CLCN1: variants seen among roughly 807,000 people sequenced by gnomAD.
The protein encoded by CLCN1 is chloride channel protein 1.
Under a neutral mutation model 114.5 loss-of-function variants are expected in CLCN1, and 100 were observed. The ratio of observed to expected loss-of-function variants is 0.87; its 90% confidence interval spans 0.74 to 1.03. The LOEUF is 1.03. Among genes scored for constraint, CLCN1 ranks in the 50% least tolerant of loss-of-function variants. CLCN1 has a pLI of 0.00. For synonymous variants in CLCN1, 485 were observed against 487.1 expected, an observed-to-expected ratio of 1.00 and a Z score of 0.06; for missense variants, 1,188 against 1,250.0, an observed-to-expected ratio of 0.95 and a Z score of 0.75.
chr7:143,346,651 C>A lies in CLCN1; in HGVS notation c.2357C>A (p.Thr786Lys). ...LGRARPTKKKTTQDSTDLVDN... is the reference protein window; with the variant it reads ...LGRARPTKKKKTQDSTDLVDN... ...AGAGCTCGCCCCACAAAGAAGAAAACAACCCAGGTGAGAGGAGATGTGTTT... is the reference window on the plus strand; with the variant it reads ...AGAGCTCGCCCCACAAAGAAGAAAAAAACCCAGGTGAGAGGAGATGTGTTT... Residue 786 changes from threonine to lysine, a missense_variant, in exon 19 of 23, where the codon ACA becomes AAA. Thr to Lys is a moderately conservative substitution (Grantham distance 78). Transcript: ENST00000343257. The A allele has an allele frequency of 6.2e-7, 1 of 1,612,662 alleles. No homozygotes were observed. The highest frequency in any genetic ancestry group is 8.5e-7 in the Non-Finnish European group (1 of 1,179,082).
At chr7:143,346,998 G>C (rs1371019500) in intron 20 of CLCN1, 49 bp downstream of exon 20, 1 of 1,466,992 alleles carries the variant, frequency 6.8e-7, no homozygotes, top group Admixed American at 1.7e-5. Context: ...ATCAAATGAA[G>C]ATATTGCTAA....
rs775224495 is a variant in CLCN1, at chr7:143,320,757, G to C, written c.395G>C (p.Ser132Thr). Reference protein sequence around the residue: ...VLLGLLMALVSWSMDYVSAKS... With the variant: ...VLLGLLMALVTWSMDYVSAKS... ...CTGGGACTGCTGATGGCTCTGGTCAGCTGGAGCATGGACTACGTCAGTGCC... is the reference window on the plus strand; with the variant it reads ...CTGGGACTGCTGATGGCTCTGGTCACCTGGAGCATGGACTACGTCAGTGCC... The change falls in exon 3 of 23, where the codon AGC becomes ACC. Residue 132 changes from serine to threonine, a missense_variant. Coordinates refer to ENST00000343257, the MANE Select transcript of CLCN1 (RefSeq NM_000083.3). 6.2e-7 allele frequency: 1 copy of C among 1,613,812 alleles called. No homozygotes were observed. The highest frequency in any genetic ancestry group is 1.1e-5 in the South Asian group (1 of 91,070).
At position 143,345,744 on chromosome 7, in the gene CLCN1, C is replaced by T. The variant is rs2272251; in HGVS notation, c.2154C>T (p.Asp718=). The T allele has an allele frequency of 0.45, 723,888 of 1,598,212 alleles. 165,366 individuals are homozygous for T. The highest frequency in any genetic ancestry group is 0.58 in the East Asian group (25,879 of 44,246). ...FAFVDEDEDE[D]LSGKSELPPS... is the part of the protein sequence containing the mutation. ...TTGTGGATGAGGATGAGGACGAAGACCTCTCTGGCAAGAGCGAGGTGACCG... is the reference window on the plus strand; with the variant it reads ...TTGTGGATGAGGATGAGGACGAAGATCTCTCTGGCAAGAGCGAGGTGACCG... Residue 718 remains aspartate, a synonymous_variant, in exon 17 of 23, where the codon GAC becomes GAT. Transcript: ENST00000343257.
In CLCN1 at chr7:143,321,650, T is replaced by C; in HGVS notation, c.563-65T>C. The C allele has an allele frequency of 1.2e-6, 2 of 1,611,512 alleles. No homozygotes were observed. The highest frequency in any genetic ancestry group is 8.5e-7 in the Non-Finnish European group (1 of 1,177,690). ...CCCTCTCCAATTCCCATTCCCATAT[T>C]CTGGACATTCATCTCCCTTTTCACC... is the stretch of plus-strand genomic sequence containing the variant. On this transcript the variant is annotated intron_variant, in intron 4 of 22. Transcript: ENST00000343257. This position sits in a 1 kb window ranked among gnomAD's most constrained non-coding sequence, Gnocchi z 4.2.
chr7:143,323,709 C>T (rs1802509170), intron 6 of CLCN1: 8 of 523,044 alleles, frequency 1.5e-5, no homozygotes, highest in African/African-American at 5.8e-5. Flanking sequence ...ACGTTTCCCT[C>T]GTGTGCTCCC....
In CLCN1 at chr7:143,345,768, C is replaced by G. The variant is rs764435230; in HGVS notation, c.2172+6C>G. 4 of 1,606,018 alleles carry G rather than the reference C, an allele frequency of 2.5e-6. No individual in the cohort carries two copies. Among genetic ancestry groups the G allele is most frequent in the Non-Finnish European group, 2.5e-6 (3 of 1,177,092 alleles). On this transcript the variant is annotated splice_donor_region_variant and intron_variant, in intron 17 of 22. Coordinates refer to ENST00000343257, the MANE Select transcript of CLCN1 (RefSeq NM_000083.3). ...ACCTCTCTGGCAAGAGCGAGGTGAC[C>G]GCGCCGGGAAGGGCTAGGGAGTGGG...
Position 143,351,682 on chromosome 7 carries a change from A to T in CLCN1, c.2684A>T (p.Lys895Met). 6.2e-7 allele frequency: 1 copy of T among 1,614,154 alleles called. No individual in the cohort carries two copies. Among genetic ancestry groups the T allele is most frequent in the South Asian group, 1.1e-5 (1 of 91,080 alleles). ...ASFRNTTSTR[K>M]STGAPPSSAE... is the part of the protein sequence containing the mutation. ...TTCCGGAACACGACTTCAACTCGAA[A>T]GAGTACCGGGGCACCTCCATCTTCT... The change falls in exon 23 of 23, where the codon AAG (lysine) becomes ATG (methionine). Residue 895 changes from lysine (K) to methionine (M), a missense_variant. Transcript: ENST00000343257.
intron 2 of CLCN1, 27 bp downstream of exon 2, chr7:143,319,902 T>C: frequency 6.2e-7 from 1 of 1,612,560 alleles, no homozygotes; most frequent in South Asian, 1.1e-5. Context: ...AATAAAGAAA[T>C]CTGGAGTAGA....
chr7:143,336,299 A>G (rs1184219697), intron 12 of CLCN1, among the ~76,000 whole-genome samples: 1 of 151,128 alleles, frequency 6.6e-6, no homozygotes, highest in East Asian at 2.0e-4. Context: ...AGTGTTTAAA[A>G]TCGTGGTAGT....
intron 12 of CLCN1, among the ~76,000 whole-genome samples, chr7:143,337,605 C>T (rs544894893): frequency 6.6e-6 from 1 of 152,250 alleles, no homozygotes; most frequent in African/African-American, 2.4e-5. Flanking sequence ...ATACTTTCAT[C>T]TTGGCAGTTT....
chr7:143,321,310 G>C lies in CLCN1; in HGVS notation c.434-55G>C. The C allele has an allele frequency of 6.2e-7, 1 of 1,607,848 alleles. No homozygotes were observed. Among genetic ancestry groups the C allele is most frequent in the Non-Finnish European group, 8.5e-7 (1 of 1,176,422 alleles). The stretch of plus-strand genomic sequence containing the variant: ...CATGCCGGGTACACGTCCTGGTGCC[G>C]TGGACACGGCTGCTCAGCCATGTTC... On this transcript the variant is annotated intron_variant, in intron 3 of 22. Transcript: ENST00000343257. The surrounding 1 kb of genome is among the most constrained non-coding windows in gnomAD (Gnocchi z 4.2).
Position 143,350,314 on chromosome 7 carries a change from G to A in CLCN1, c.2404-58G>A. 1 of 1,389,466 alleles carries A rather than the reference G, an allele frequency of 7.2e-7. No individual in the cohort carries two copies. Among genetic ancestry groups the A allele is most frequent in the South Asian group, 1.2e-5 (1 of 84,082 alleles). The allele number at this position is 1,389,466 out of a possible 1,614,324, so 86.1% of individuals were successfully genotyped here. A position where few individuals can be genotyped will look rare whatever the true frequency, so the allele number is the denominator to read the frequency against. On this transcript the variant is annotated intron_variant, in intron 20 of 22. Coordinates refer to ENST00000343257, the MANE Select transcript of CLCN1 (RefSeq NM_000083.3). This position sits in a 1 kb window ranked among gnomAD's most constrained non-coding sequence, Gnocchi z 5.1. The stretch of plus-strand genomic sequence containing the variant: ...GAGGGCCGTTTGGGGTCAAAATCAG[G>A]TATCTGGGGTGAAAGGAGGCTCTGT...
At position 143,321,837 on chromosome 7, in the gene CLCN1, G is replaced by C. The variant is rs761601545; in HGVS notation, c.685G>C (p.Val229Leu). ...LTAGLGSGIP[V>L]GKEGPFVHIA... ...TGCGGGCCTGGGCAGTGGCATCCCC[G>C]TGGGGAAAGAGGTAGGCCTGGCATG... The change falls in exon 5 of 23, where the codon GTG (valine) becomes CTG (leucine). Residue 229 changes from valine (V) to leucine (L), a missense_variant. By Grantham distance (32) the Val-to-Leu change is conservative (BLOSUM62 1). Transcript: ENST00000343257. This position sits in a 1 kb window ranked among gnomAD's most constrained non-coding sequence, Gnocchi z 4.2. 7 of 1,614,054 alleles carry C rather than the reference G, an allele frequency of 4.3e-6. No homozygotes were observed. The South Asian group carries it at 6.6e-5, about 15-fold the overall frequency.
Position 143,323,196 on chromosome 7 carries a change from G to A in CLCN1, c.697-113G>A, listed in dbSNP as rs534026236. On this transcript the variant is annotated intron_variant, in intron 5 of 22. Transcript: ENST00000343257. ...AGGGCAGGACCTCTGTGTAACTCCC[G>A]TATTTCCAGCCCCTGGCACAGTGCC... 44 of 736,630 alleles carry A rather than the reference G, an allele frequency of 6.0e-5. No homozygotes were observed. The African/African-American group carries it at 6.1e-4, about 10-fold the overall frequency. 45.6% of individuals were successfully genotyped at this position (736,630 alleles called of 1,614,324 possible).
intron 16 of CLCN1, 148 bp downstream of exon 16, chr7:143,342,653 A>C: frequency 1.2e-6 from 1 of 803,198 alleles, no homozygotes; most frequent in Middle Eastern, 3.1e-4. Context: ...CCATAACACA[A>C]GCACACAAAG....
chr7:143,345,692 C>T lies in CLCN1; in HGVS notation c.2102C>T (p.Pro701Leu). 6.4e-7 allele frequency: 1 copy of T among 1,557,858 alleles called. No homozygotes were observed. The highest frequency in any genetic ancestry group is 8.7e-7 in the Non-Finnish European group (1 of 1,152,404). ...GCTGGGGAGGGGCTCCCCGGCGCGCCTCCAGGCCGGCCCGAGTCCTTCGCC... is the reference window on the plus strand; with the variant it reads ...GCTGGGGAGGGGCTCCCCGGCGCGCTTCCAGGCCGGCCCGAGTCCTTCGCC... ...RLAGEGLPGAPPGRPESFAFV... is the reference protein window; with the variant it reads ...RLAGEGLPGALPGRPESFAFV... The change falls in exon 17 of 23, where the codon CCT becomes CTT. Residue 701 changes from proline to leucine, a missense_variant. Physicochemically the swap from Pro to Leu is moderately conservative, Grantham distance 98. Coordinates refer to ENST00000343257, the MANE Select transcript of CLCN1 (RefSeq NM_000083.3).
chr7:143,331,538 A>G lies in CLCN1; in HGVS notation c.1065-13A>G. 6.3e-7 allele frequency: 1 copy of G among 1,583,624 alleles called. No individual in the cohort carries two copies. The highest frequency in any genetic ancestry group is 1.1e-5 in the South Asian group (1 of 90,360). On this transcript the variant is annotated splice_polypyrimidine_tract_variant and intron_variant, in intron 9 of 22. Coordinates refer to ENST00000343257, the MANE Select transcript of CLCN1 (RefSeq NM_000083.3). ...TGTCTGTAAGATTCCAACTCTATAA[A>G]TTACACCCTCAGGATTTGCTGTGGG... is the stretch of plus-strand genomic sequence containing the variant.
intron 7 of CLCN1, among the ~76,000 whole-genome samples, chr7:143,328,619 ACC>A: frequency 6.6e-6 from 1 of 152,224 alleles, no homozygotes; most frequent in Non-Finnish European, 1.5e-5. Flanking sequence ...GATAGTTTAC[ACC>A]CAGGCAAATC....
intron 19 of CLCN1, 119 bp from the exon 20 acceptor site, chr7:143,346,792 G>A (rs927339027): frequency 5.9e-6 from 7 of 1,187,008 alleles, no homozygotes; most frequent in Non-Finnish European, 8.8e-6. Flanking sequence ...AAGGGATGAT[G>A]AATGAAAAGG....
Sources: gnomAD v4.1 joint callset for allele counts (sites outside exome capture counted in the v4.1 genomes callset) on GRCh38, gnomAD v4.1.1 for gene constraint, Gnocchi (gnomAD v3.1) non-coding constraint, MANE v1.5 for transcripts, NCBI Gene and HGNC (gene_info 2026-07-23, HGNC 2026-07-21) for gene names.